Variants in CORIN observed in about 807,000 individuals in gnomAD.
CORIN encodes the protein corin, serine peptidase.
In CORIN, 117 loss-of-function variants were observed where a neutral mutation model predicts 125.3. The ratio of observed to expected loss-of-function variants is 0.93; its 90% CI spans 0.80 to 1.09. CORIN has a LOEUF of 1.09. Ranked by LOEUF, CORIN falls within the 50% of genes least tolerant of loss-of-function variation. CORIN has a pLI of 0.00. For synonymous variants in CORIN, 450 were observed against 466.4 expected (o/e 0.96, Z 0.45); for missense variants, 1,253 against 1,306.7 (o/e 0.96, Z 0.63).
chr4:47,723,883 C>G (rs1369438776), intron 5 of CORIN, among the ~76,000 whole-genome samples: 1 of 151,026 alleles, frequency 6.6e-6, no homozygotes, highest in Non-Finnish European at 1.5e-5. Context: ...GTAGTCCCAC[C>G]TACTAGGGAG....
At chr4:47,837,746 G>GC in intron 1 of CORIN, 141 bp downstream of exon 1, 1 of 819,542 alleles carries the variant, frequency 1.2e-6, no homozygotes, top group Non-Finnish European at 2.1e-6. Context: ...AACTGTCAGA[G>GC]CGGGAGCTCA....
chr4:47,595,778 T>C lies in CORIN; in HGVS notation c.3072A>G (p.Ser1024=), dbSNP rs756754101. The C allele has an allele frequency of 1.1e-5, 18 of 1,613,420 alleles. No homozygotes were observed. The highest frequency in any genetic ancestry group is 7.7e-5 in the South Asian group (7 of 91,004). The change falls in exon 22 of 22, where the codon TCA becomes TCG. Residue 1024 remains serine (S), a synonymous_variant. Transcript: ENST00000273857. The stretch of plus-strand genomic sequence containing the variant: ...GTCTTTTAATCCATTCGACGAAATA[T>C]GACACATTACTATAAACGCCAGGCC... ...VLGPGVYSNV[S]YFVEWIKRQI...
intron 5 of CORIN, among the ~76,000 whole-genome samples, chr4:47,710,527 T>C (rs1346459106): frequency 6.6e-6 from 1 of 152,212 alleles, no homozygotes; most frequent in African/African-American, 2.4e-5. Context: ...TTTGTGTAGA[T>C]GCCACAGAGA....
At chr4:47,799,886 A>G (rs1731464312) in intron 2 of CORIN, among the ~76,000 whole-genome samples, 1 of 152,240 alleles carries the variant, frequency 6.6e-6, no homozygotes, top group Non-Finnish European at 1.5e-5. Context: ...AAACTATGGT[A>G]TATCCATACA....
intron 13 of CORIN, among the ~76,000 whole-genome samples, 190 bp from the exon 14 acceptor site, chr4:47,645,384 G>A (rs1723422368): frequency 6.8e-6 from 1 of 146,336 alleles, no homozygotes; most frequent in Non-Finnish European, 1.5e-5. Context: ...CCGGGAGGCG[G>A]AGGTTGCAGT....
chr4:47,780,642 G>C (rs1348659136), intron 3 of CORIN, among the ~76,000 whole-genome samples: 2 of 152,020 alleles, frequency 1.3e-5, no homozygotes. Flanking sequence ...TGGTGGGATA[G>C]GAAACACCAG....
intron 5 of CORIN, among the ~76,000 whole-genome samples, chr4:47,710,457 G>T (rs975269443): frequency 6.6e-6 from 1 of 152,292 alleles, no homozygotes; most frequent in East Asian, 1.9e-4. Context: ...TACTAATAAC[G>T]TCTACTTCCT....
chr4:47,730,201 G>A (rs373647388), intron 5 of CORIN, among the ~76,000 whole-genome samples: 63 of 152,040 alleles, frequency 4.1e-4, no homozygotes, highest in African/African-American at 1.4e-3. Context: ...CAGGCCGGGC[G>A]CGGTGGCTCA....
chr4:47,598,667 G>T (rs1188631202), intron 21 of CORIN, among the ~76,000 whole-genome samples: 1 of 152,150 alleles, frequency 6.6e-6, no homozygotes, highest in Non-Finnish European at 1.5e-5. Flanking sequence ...AGACTGACTG[G>T]TTTCATGTCC....
chr4:47,818,745 C>T (rs1405113354), intron 1 of CORIN, among the ~76,000 whole-genome samples: 2 of 151,998 alleles, frequency 1.3e-5, no homozygotes, highest in African/African-American at 2.4e-5. Context: ...TGGTGGTGCA[C>T]TCCTGTGGTC....
intron 13 of CORIN, among the ~76,000 whole-genome samples, chr4:47,647,499 G>C (rs981868823): frequency 6.6e-5 from 10 of 152,082 alleles, no homozygotes; most frequent in African/African-American, 2.4e-4. Flanking sequence ...GCCGCCTAAA[G>C]TGCATCCTCA....
intron 5 of CORIN, among the ~76,000 whole-genome samples, chr4:47,739,892 G>A (rs934783159): frequency 1.6e-4 from 24 of 151,802 alleles, no homozygotes; most frequent in African/African-American, 4.1e-4. Flanking sequence ...AACTTAAGAC[G>A]TTAATTTTAA....
At chr4:47,704,842 A>AT (rs1254303604) in intron 5 of CORIN, among the ~76,000 whole-genome samples, 5 of 151,950 alleles carry the variant, frequency 3.3e-5, no homozygotes, top group African/African-American at 1.2e-4. Context: ...GAGAAGGTTC[A>AT]TTTTTTTCCA....
At chr4:47,685,552 G>A (rs2109726094) in intron 6 of CORIN, among the ~76,000 whole-genome samples, 1 of 152,230 alleles carries the variant, frequency 6.6e-6, no homozygotes, top group South Asian at 2.1e-4. Context: ...TAAATTTTGG[G>A]GGAGATGCAA....
chr4:47,614,517 T>C (rs2109534361), intron 19 of CORIN, among the ~76,000 whole-genome samples: 1 of 152,276 alleles, frequency 6.6e-6, no homozygotes, highest in Admixed American at 6.5e-5. Context: ...CCAATTTCTA[T>C]ATTCAAGGAG....
intron 3 of CORIN, among the ~76,000 whole-genome samples, chr4:47,772,830 A>C (rs1427954100): frequency 6.6e-6 from 1 of 152,176 alleles, no homozygotes; most frequent in Non-Finnish European, 1.5e-5. Context: ...TAGACAGGGG[A>C]GAGATTTGTA....
intron 12 of CORIN, among the ~76,000 whole-genome samples, chr4:47,657,535 C>CAAA (rs35311151): frequency 2.4e-5 from 2 of 82,172 alleles, no homozygotes; most frequent in Non-Finnish European, 4.9e-5. Flanking sequence ...ACTCCGTCTC[C>CAAA]AAAAAAAAAA....
At chr4:47,672,699 G>A (rs933246220) in intron 10 of CORIN, among the ~76,000 whole-genome samples, 1 of 151,800 alleles carries the variant, frequency 6.6e-6, no homozygotes, top group Admixed American at 6.6e-5. Flanking sequence ...ATTTAAATCA[G>A]TTTCTATTTA....
intron 2 of CORIN, among the ~76,000 whole-genome samples, chr4:47,793,396 C>G (rs553614317): frequency 6.6e-6 from 1 of 152,254 alleles, no homozygotes; most frequent in South Asian, 2.1e-4. Context: ...TGAGGACAGA[C>G]AGCTCTTTTT....
Sources: allele counts gnomAD v4.1 joint callset (sites outside exome capture counted in the v4.1 genomes callset), GRCh38; gene constraint gnomAD v4.1.1; transcripts MANE v1.5; gene names NCBI Gene and HGNC (gene_info 2026-07-23, HGNC 2026-07-21).